Variants in NBL1 observed in about 807,000 individuals in gnomAD.
NBL1 encodes neuroblastoma suppressor of tumorigenicity 1.
Under a neutral mutation model 16.0 loss-of-function variants are expected in NBL1, and 9 were observed. The observed-to-expected ratio is 0.56, with a 90% CI of 0.34 to 0.98. The LOEUF is 0.98. Ranked by LOEUF, NBL1 falls within the 50% of genes least tolerant of loss-of-function variation. The pLI is 0.02. For synonymous variants in NBL1, 86 were observed against 100.7 expected (o/e 0.85, Z 0.87); for missense variants, 196 against 243.1 (o/e 0.81, Z 1.29).
At chr1:19,656,047 T>G (rs1197141498) in intron 3 of NBL1, among the ~76,000 whole-genome samples, 1 of 152,162 alleles carries the variant, frequency 6.6e-6, no homozygotes, top group Non-Finnish European at 1.5e-5. Context: ...GAGCACAGTA[T>G]GCCTCCGCTT....
At chr1:19,643,553 G>A (rs374164154), upstream of NBL1, 16 of 1,441,012 alleles carry the variant, frequency 1.1e-5, no homozygotes, top group South Asian at 7.2e-5. The surrounding 1 kb of genome is among the most constrained non-coding windows in gnomAD (Gnocchi z 4.7). Context: ...AGTGCCCACT[G>A]ATTAGATAGG....
At chr1:19,649,205 T>C (rs1398907347) in intron 1 of NBL1, among the ~76,000 whole-genome samples, 1 of 152,040 alleles carries the variant, frequency 6.6e-6, no homozygotes, top group East Asian at 1.9e-4. Flanking sequence ...CAAGCAGATT[T>C]CTTGGCCTCT....
At chr1:19,655,571 C>G (rs2095051681) in intron 3 of NBL1, 136 bp downstream of exon 3, 1 of 1,006,672 alleles carries the variant, frequency 9.9e-7, no homozygotes, top group African/African-American at 1.6e-5. Flanking sequence ...GGGTGAAGGG[C>G]TTGTGCTGGG....
upstream of NBL1, chr1:19,644,014 G>C: frequency 1.0e-6 from 1 of 984,888 alleles, no homozygotes; most frequent in Non-Finnish European, 1.2e-6. This position sits in a 1 kb window ranked among gnomAD's most constrained non-coding sequence, Gnocchi z 4.6. Flanking sequence ...GCTTAAGAAC[G>C]GGCCAGGGCG....
intron 1 of NBL1, among the ~76,000 whole-genome samples, chr1:19,649,493 G>A (rs2095008906): frequency 6.6e-6 from 1 of 151,824 alleles, no homozygotes; most frequent in Admixed American, 6.6e-5. Context: ...TGAGTAGCTG[G>A]GACTACAGGC....
chr1:19,645,642 T>C (rs1288126238), intron 1 of NBL1: 73 of 1,147,882 alleles, frequency 6.4e-5, no homozygotes, highest in Non-Finnish European at 7.9e-5. Context: ...CCCCAGATGC[T>C]GGGGCTGCTT....
upstream of NBL1, chr1:19,643,558 G>A (rs1408366334): frequency 1.4e-6 from 2 of 1,433,766 alleles, no homozygotes; most frequent in African/African-American, 1.4e-5. This position sits in a 1 kb window ranked among gnomAD's most constrained non-coding sequence, Gnocchi z 4.7. Flanking sequence ...CCACTGATTA[G>A]ATAGGAACCC....
intron 1 of NBL1, among the ~76,000 whole-genome samples, chr1:19,650,662 C>T (rs532415759): frequency 3.9e-5 from 6 of 152,102 alleles, no homozygotes; most frequent in African/African-American, 1.4e-4. Flanking sequence ...TGCTGTGTGA[C>T]CTTCAGGGCG....
chr1:19,643,289 C>T (rs139459537), upstream of NBL1: 1 of 1,611,176 alleles, frequency 6.2e-7, no homozygotes, highest in East Asian at 2.2e-5. This position sits in a 1 kb window ranked among gnomAD's most constrained non-coding sequence, Gnocchi z 4.7. Context: ...GAGTTCCCAG[C>T]AGGCCACTAG....
At chr1:19,645,153 A>G (rs2094971103) in intron 1 of NBL1, among the ~76,000 whole-genome samples, 1 of 151,864 alleles carries the variant, frequency 6.6e-6, no homozygotes. Context: ...GTTCACGAAT[A>G]GTTTCCTAGA....
intron 1 of NBL1, among the ~76,000 whole-genome samples, chr1:19,654,041 G>T (rs1333374590): frequency 6.6e-6 from 1 of 152,208 alleles, no homozygotes; most frequent in African/African-American, 2.4e-5. Flanking sequence ...TTCTGGTGAG[G>T]CATCTTAGAG....
intron 1 of NBL1, among the ~76,000 whole-genome samples, chr1:19,652,713 T>G (rs1482343630): frequency 6.6e-6 from 1 of 151,770 alleles, no homozygotes; most frequent in Non-Finnish European, 1.5e-5. Flanking sequence ...CTGGGCTGGG[T>G]GCAGTGGCTC....
Position 19,644,332 on chromosome 1 carries a change from C to A in NBL1, c.-134C>A, listed in dbSNP as rs2094964390. On this transcript the variant is annotated 5_prime_UTR_variant, in exon 1 of 4. Transcript: ENST00000375136. This position sits in a 1 kb window ranked among gnomAD's most constrained non-coding sequence, Gnocchi z 4.6. ...GGCCGCAGACAGCGCGCAGCGCAGC[C>A]CAGCCGAGCGTCGCGGGGCCGCCCC... is the stretch of plus-strand genomic sequence containing the variant. The A allele has an allele frequency of 2.0e-6, 2 of 979,170 alleles. No individual in the cohort carries two copies. The highest frequency in any genetic ancestry group is 1.2e-6 in the Non-Finnish European group (1 of 827,462). The allele number at this position is 979,170 out of a possible 1,614,324, so 60.7% of individuals were successfully genotyped here.
Position 19,655,362 on chromosome 1 carries a change from A to G in NBL1, c.209A>G (p.Asn70Ser). ...LGQCFSYSVP[N>S]TFPQSTESLV... is the part of the protein sequence containing the mutation. ...CAGTGCTTCAGCTACAGCGTCCCCA[A>G]CACCTTCCCACAGTCCACAGAGTCC... is the stretch of plus-strand genomic sequence containing the variant. Residue 70 changes from asparagine to serine, a missense_variant, in exon 3 of 4, where the codon AAC becomes AGC. Transcript: ENST00000375136. The G allele has an allele frequency of 6.2e-7, 1 of 1,613,968 alleles. No individual in the cohort carries two copies. The highest frequency in any genetic ancestry group is 8.5e-7 in the Non-Finnish European group (1 of 1,179,974).
At chr1:19,643,470 C>G, upstream of NBL1, 1 of 1,590,118 alleles carries the variant, frequency 6.3e-7, no homozygotes, top group Non-Finnish European at 8.6e-7. This position sits in a 1 kb window ranked among gnomAD's most constrained non-coding sequence, Gnocchi z 4.7. Flanking sequence ...CCACCACTTT[C>G]CAGAAGCAAA....
At chr1:19,650,277 C>T (rs544415437) in intron 1 of NBL1, among the ~76,000 whole-genome samples, 4 of 152,326 alleles carry the variant, frequency 2.6e-5, no homozygotes, top group African/African-American at 4.8e-5. Flanking sequence ...GGCTAACTGA[C>T]GCATGACTAT....
intron 1 of NBL1, 26 bp from the exon 2 acceptor site, chr1:19,654,986 C>T (rs754585959): frequency 3.9e-6 from 6 of 1,539,210 alleles, no homozygotes; most frequent in Non-Finnish European, 5.2e-6. Context: ...TGCTGTGCCT[C>T]ACCTGGCACC....
chr1:19,644,288 G>C, upstream of NBL1: 1 of 979,662 alleles, frequency 1.0e-6, no homozygotes, highest in Non-Finnish European at 1.2e-6. This position sits in a 1 kb window ranked among gnomAD's most constrained non-coding sequence, Gnocchi z 4.6. Flanking sequence ...CCGCTCCCCC[G>C]CGCCGCGCGC....
At chr1:19,650,280 A>G (rs1400249794) in intron 1 of NBL1, among the ~76,000 whole-genome samples, 4 of 152,238 alleles carry the variant, frequency 2.6e-5, no homozygotes, top group Admixed American at 2.6e-4. Flanking sequence ...TAACTGACGC[A>G]TGACTATAGT....
Sources: gnomAD v4.1 joint callset for allele counts (sites outside exome capture counted in the v4.1 genomes callset) on GRCh38, gnomAD v4.1.1 for gene constraint, Gnocchi (gnomAD v3.1) non-coding constraint, MANE v1.5 for transcripts, NCBI Gene and HGNC (gene_info 2026-07-23, HGNC 2026-07-21) for gene names.